The following PTPRN2 variants were observed in gnomAD, a reference collection of about 807,000 sequenced individuals.
The protein encoded by PTPRN2 is receptor-type tyrosine-protein phosphatase N2.
Under a neutral mutation model 118.8 loss-of-function variants are expected in PTPRN2, and 74 were observed. The observed-to-expected ratio is 0.62, with a 90% CI of 0.52 to 0.76. The LOEUF is 0.76. Ranked by LOEUF, PTPRN2 falls within the 30% of genes least tolerant of loss-of-function variation. PTPRN2 has a pLI of 0.00. For missense variants in PTPRN2, 1,481 were observed against 1,394.4 expected, an observed-to-expected ratio of 1.06 and a Z score of -0.99; for synonymous variants, 641 against 608.0, an observed-to-expected ratio of 1.05 and a Z score of -0.80.
chr7:157,584,761 G>C (rs1800579218), intron 17 of PTPRN2, among the ~76,000 whole-genome samples: 1 of 152,226 alleles, frequency 6.6e-6, no homozygotes, highest in Admixed American at 6.5e-5. Flanking sequence ...CTCCTTAGGA[G>C]CTCACCGATG....
intron 14 of PTPRN2, among the ~76,000 whole-genome samples, chr7:157,635,045 C>T (rs755562616): frequency 7.2e-5 from 11 of 152,350 alleles, no homozygotes; most frequent in South Asian, 2.1e-4. Context: ...TCTCCCTGGA[C>T]GTCCTTTCTC....
chr7:158,130,829 C>T (rs1015157867), intron 9 of PTPRN2, among the ~76,000 whole-genome samples: 6 of 151,020 alleles, frequency 4.0e-5, no homozygotes, highest in African/African-American at 7.3e-5. Flanking sequence ...CATACACACA[C>T]GTACATACAC....
intron 1 of PTPRN2, among the ~76,000 whole-genome samples, chr7:158,562,685 G>T (rs1827461482): frequency 6.6e-6 from 1 of 152,214 alleles, no homozygotes; most frequent in Admixed American, 6.5e-5. Flanking sequence ...AGCCCTGTGT[G>T]CTTGCTTGGG....
intron 12 of PTPRN2, among the ~76,000 whole-genome samples, chr7:157,839,076 C>A (rs149316069): frequency 2.0e-5 from 3 of 152,232 alleles, no homozygotes; most frequent in African/African-American, 7.2e-5. Context: ...CAGTTCCTCT[C>A]GTCTTCCCTG....
At chr7:158,149,796 T>A (rs1179838100) in intron 6 of PTPRN2, among the ~76,000 whole-genome samples, 4 of 128,620 alleles carry the variant, frequency 3.1e-5, no homozygotes, top group Admixed American at 8.2e-5. Context: ...AGAGCAAGAG[T>A]CCATCTCAAA....
intron 11 of PTPRN2, among the ~76,000 whole-genome samples, chr7:157,919,397 A>G (rs6970586): frequency 0.68 from 103,453 of 151,530 alleles, 36,275 homozygotes; most frequent in Admixed American, 0.77. Flanking sequence ...GCTGTGGGAG[A>G]TACCGAAATG....
intron 9 of PTPRN2, among the ~76,000 whole-genome samples, chr7:158,122,801 G>A (rs577223493): frequency 2.6e-5 from 4 of 152,230 alleles, no homozygotes; most frequent in Non-Finnish European, 4.4e-5. Context: ...TCCAACGTAG[G>A]TGCCCAGAAA....
At chr7:157,553,059 C>T (rs1012931197) in intron 21 of PTPRN2, among the ~76,000 whole-genome samples, 3 of 152,182 alleles carry the variant, frequency 2.0e-5, no homozygotes, top group African/African-American at 7.2e-5. Flanking sequence ...CTACGGGGAC[C>T]CCTCAGCTTT....
rs1803851393 is a variant in PTPRN2 at position 157,987,038 on chromosome 7, G to A, written c.1724-88301C>T. ...TATAACGGGTTCATGCACTGGAGTA[G>A]CTGCCGGTACACATCTAGGGAGTGA... On this transcript the variant is annotated intron_variant, in intron 11 of 22. Transcript: ENST00000389418. The surrounding 1 kb of genome is among the most constrained non-coding windows in gnomAD (Gnocchi z 4.3). 6.6e-6 allele frequency among the ~76,000 whole-genome samples: 1 copy of A among 152,178 alleles called. No homozygotes were observed. Among genetic ancestry groups the A allele is most frequent in the African/African-American group, 2.4e-5 (1 of 41,430 alleles).
chr7:157,718,222 A>G (rs542487203), intron 12 of PTPRN2, among the ~76,000 whole-genome samples: 18 of 152,398 alleles, frequency 1.2e-4, no homozygotes, highest in South Asian at 4.1e-4. Context: ...TGGCAAATGA[A>G]TTTAGAGTTT....
chr7:158,206,802 AATTT>A (rs985566329), intron 3 of PTPRN2, among the ~76,000 whole-genome samples: 8 of 149,164 alleles, frequency 5.4e-5, no homozygotes, highest in South Asian at 2.1e-4. Context: ...TTTTTTTTTT[AATTT>A]ATTTATTTTT....
intron 2 of PTPRN2, among the ~76,000 whole-genome samples, chr7:158,336,260 T>A (rs1400737231): frequency 2.7e-5 from 1 of 37,724 alleles, no homozygotes; most frequent in Non-Finnish European, 5.1e-5. Flanking sequence ...TCACTCGCAC[T>A]CACACTCTAG....
intron 2 of PTPRN2, among the ~76,000 whole-genome samples, chr7:158,357,256 C>T (rs1301472487): frequency 2.0e-5 from 3 of 152,374 alleles, no homozygotes; most frequent in South Asian, 2.1e-4. Context: ...AGTGGGTGCC[C>T]GGCTTGCAGG....
intron 21 of PTPRN2, among the ~76,000 whole-genome samples, chr7:157,557,437 A>ACACCCATATCACACACTCATACAC (rs1798960049): frequency 6.6e-6 from 1 of 151,222 alleles, no homozygotes; most frequent in Non-Finnish European, 1.5e-5. Context: ...CAAACATTCC[A>ACACCCATATCACACACTCATACAC]CACCCATATC....
At chr7:158,274,582 G>A (rs1483278008) in intron 3 of PTPRN2, among the ~76,000 whole-genome samples, 5 of 151,750 alleles carry the variant, frequency 3.3e-5, no homozygotes, top group Admixed American at 6.6e-5. Flanking sequence ...GTGTGTGGAC[G>A]AGCCCGAGGC....
intron 2 of PTPRN2, among the ~76,000 whole-genome samples, chr7:158,365,835 T>TGC (rs1263439213): frequency 4.3e-4 from 3 of 7,022 alleles, no homozygotes; most frequent in African/African-American, 6.1e-4. Flanking sequence ...AGTGCATGCG[T>TGC]GCACACACAC....
intron 9 of PTPRN2, among the ~76,000 whole-genome samples, chr7:158,123,102 T>C (rs1023893517): frequency 1.7e-4 from 26 of 152,232 alleles, no homozygotes; most frequent in African/African-American, 6.3e-4. Context: ...TCAACTTTGA[T>C]ATAAACTCTT....
chr7:158,061,592 C>T (rs865875293), intron 11 of PTPRN2, among the ~76,000 whole-genome samples: 14 of 152,324 alleles, frequency 9.2e-5, no homozygotes, highest in Middle Eastern at 3.4e-3. Context: ...TTACTTGTGT[C>T]GTCCGTGAGC....
At chr7:157,554,806 G>A (rs189683880) in intron 21 of PTPRN2, among the ~76,000 whole-genome samples, 6 of 152,404 alleles carry the variant, frequency 3.9e-5, no homozygotes, top group African/African-American at 9.6e-5. Flanking sequence ...AGTCCCAGGC[G>A]TTTTCCACCT....
Sources: allele counts gnomAD v4.1 joint callset (sites outside exome capture counted in the v4.1 genomes callset), GRCh38; gene constraint gnomAD v4.1.1; non-coding constraint Gnocchi (gnomAD v3.1); transcripts MANE v1.5; gene names NCBI Gene and HGNC (gene_info 2026-07-23, HGNC 2026-07-21).